AKAP7: variants seen among roughly 807,000 people sequenced by gnomAD.
AKAP7 encodes A-kinase anchoring protein 7.
AKAP7 carries 39 observed loss-of-function variants against 39.5 expected under a neutral mutation model. The observed-to-expected ratio is 0.99, with a 90% CI of 0.76 to 1.29. The LOEUF (loss-of-function observed/expected upper bound fraction) is 1.29, where lower values mean the gene tolerates loss of function less well. AKAP7 is among the 50% of genes most tolerant of loss of function. AKAP7 has a pLI of 0.00. For missense variants in AKAP7, 414 were observed against 407.7 expected, an observed-to-expected ratio of 1.02 and a Z score of -0.13; for synonymous variants, 140 against 139.1, an observed-to-expected ratio of 1.01 and a Z score of -0.05.
chr6:131,219,740 A>G lies in AKAP7; in HGVS notation c.782A>G (p.Asp261Gly). Residue 261 changes from aspartate (D) to glycine (G), a missense_variant, in exon 7 of 8, where the codon GAT becomes GGT. Transcript: ENST00000431975. ...RFGEEILYRI[D>G]LCSMLKKKQS... The stretch of plus-strand genomic sequence containing the variant: ...GGAGAAGAAATATTATATCGCATAG[A>G]TCTTTGCTCCATGCTGAAGAAAAAA... 1 of 1,598,834 alleles carries G rather than the reference A, an allele frequency of 6.3e-7. No individual in the cohort carries two copies. Among genetic ancestry groups the G allele is most frequent in the South Asian group, 1.1e-5 (1 of 88,762 alleles).
intron 1 of AKAP7, among the ~76,000 whole-genome samples, chr6:131,139,923 A>G (rs961452890): frequency 3.9e-5 from 6 of 152,250 alleles, no homozygotes; most frequent in Admixed American, 2.0e-4. Context: ...AACATAAAGT[A>G]TACATGCAGT....
At chr6:131,170,033 G>A (rs949107938) in intron 5 of AKAP7, among the ~76,000 whole-genome samples, 13 of 146,362 alleles carry the variant, frequency 8.9e-5, no homozygotes, top group Non-Finnish European at 1.6e-4. Context: ...GTGTATCTAC[G>A]TTTCTCTCTC....
At chr6:131,242,326 A>C (rs1811690160) in intron 7 of AKAP7, 1 of 484,548 alleles carries the variant, frequency 2.1e-6, no homozygotes, top group African/African-American at 2.1e-5. Flanking sequence ...GGAAGCTTTT[A>C]CTTAAGCAGT....
chr6:131,190,401 G>C (rs1010932768), intron 5 of AKAP7, among the ~76,000 whole-genome samples: 1 of 152,148 alleles, frequency 6.6e-6, no homozygotes, highest in African/African-American at 2.4e-5. Flanking sequence ...CACTTTGGTT[G>C]GGAAGCCAAG....
chr6:131,190,290 C>G (rs73633670), intron 5 of AKAP7, among the ~76,000 whole-genome samples: 4,540 of 152,016 alleles, frequency 0.03, 227 homozygotes, highest in African/African-American at 0.1. Flanking sequence ...TACTTCAGAC[C>G]TAGTGAATAA....
At chr6:131,162,552 G>A (rs1803077430) in intron 3 of AKAP7, among the ~76,000 whole-genome samples, 1 of 152,076 alleles carries the variant, frequency 6.6e-6, no homozygotes, top group Non-Finnish European at 1.5e-5. Flanking sequence ...GAATATAGCC[G>A]TGTCACCAAC....
intron 6 of AKAP7, among the ~76,000 whole-genome samples, chr6:131,211,772 C>CAAAAAAAAA (rs202168206): frequency 9.5e-5 from 8 of 83,916 alleles, no homozygotes; most frequent in African/African-American, 4.0e-4. Flanking sequence ...GACTCCGTCT[C>CAAAAAAAAA]AAAAAAAAAA....
intron 3 of AKAP7, among the ~76,000 whole-genome samples, chr6:131,163,398 T>G (rs1390244224): frequency 6.6e-6 from 1 of 152,236 alleles, no homozygotes; most frequent in Admixed American, 6.5e-5. Context: ...TATGAGCTTT[T>G]GTGGGAAGGC....
chr6:131,241,627 G>GTGTGTGTGTGTATA lies in AKAP7; in HGVS notation c.850+21820_850+21821insGTGTGTGTGTATAT. On this transcript the variant is annotated intron_variant, in intron 7 of 7. Transcript: ENST00000431975. Reference sequence around the variant, plus strand: ...TGTGTGTGTGTGTGTGTGTGTGTGTGTATATATATATGACAGTTATAGGAT... The same window carrying GTGTGTGTGTGTATA: ...TGTGTGTGTGTGTGTGTGTGTGTGTGTGTGTGTGTGTATATATATATATATGACAGTTATAGGAT... Among the ~76,000 whole-genome samples, 17 of 86,670 alleles carry GTGTGTGTGTGTATA rather than the reference G, an allele frequency of 2.0e-4. 1 individual carries two copies. Among genetic ancestry groups the GTGTGTGTGTGTATA allele is most frequent in the African/African-American group, 6.0e-4 (12 of 20,054 alleles). The allele number at this position is 86,670 out of a possible 152,430, so 56.9% of individuals were successfully genotyped here.
intron 6 of AKAP7, among the ~76,000 whole-genome samples, chr6:131,202,466 T>C (rs955742243): frequency 3.3e-5 from 5 of 151,276 alleles, no homozygotes; most frequent in Non-Finnish European, 7.4e-5. Context: ...TGTAGGGACA[T>C]GGATGAAATT....
intron 2 of AKAP7, among the ~76,000 whole-genome samples, chr6:131,155,445 G>A (rs571942794): frequency 1.3e-5 from 2 of 152,300 alleles, no homozygotes; most frequent in East Asian, 3.9e-4. Context: ...TATTATTAAA[G>A]TTCCCCATCA....
chr6:131,193,844 C>G (rs1462870348), intron 5 of AKAP7, among the ~76,000 whole-genome samples: 4 of 151,980 alleles, frequency 2.6e-5, no homozygotes, highest in South Asian at 2.1e-4. Context: ...CATATAGTTA[C>G]TCGTAGCAGC....
chr6:131,138,568 A>G (rs1403205884), intron 1 of AKAP7, among the ~76,000 whole-genome samples: 1 of 152,238 alleles, frequency 6.6e-6, no homozygotes, highest in Non-Finnish European at 1.5e-5. Context: ...CTATTGCCAG[A>G]TTGCTTTCTG....
At chr6:131,162,813 C>T (rs759271755) in intron 3 of AKAP7, among the ~76,000 whole-genome samples, 15 of 152,170 alleles carry the variant, frequency 9.9e-5, no homozygotes, top group Admixed American at 2.0e-4. Flanking sequence ...CCCATGACCA[C>T]CTCGTCTAGG....
chr6:131,219,118 A>G (rs2128297211), intron 6 of AKAP7, among the ~76,000 whole-genome samples: 1 of 152,008 alleles, frequency 6.6e-6, no homozygotes, highest in African/African-American at 2.4e-5. Flanking sequence ...ATTACAAAAA[A>G]TATTTTTTTG....
chr6:131,282,459 G>C lies in AKAP7; in HGVS notation c.*733G>C. The C allele has an allele frequency of 3.9e-6, 6 of 1,535,278 alleles. No homozygotes were observed. Among genetic ancestry groups the C allele is most frequent in the Non-Finnish European group, 5.2e-6 (6 of 1,146,486 alleles). ...GAAGCTTTGCATCGAGAAACGATGG[G>C]TCTGAAGTCCAAAGTGAAACAGATA... is the stretch of plus-strand genomic sequence containing the variant. On this transcript the variant is annotated 3_prime_UTR_variant, in exon 8 of 8. Coordinates refer to ENST00000431975, the MANE Select transcript of AKAP7 (RefSeq NM_016377.4).
At chr6:131,272,082 C>T (rs976551430) in intron 7 of AKAP7, among the ~76,000 whole-genome samples, 2 of 152,086 alleles carry the variant, frequency 1.3e-5, no homozygotes, top group Middle Eastern at 3.2e-3. Context: ...AATGTGGTAT[C>T]AAAAAATCCC....
At chr6:131,262,790 G>A (rs1371417332) in intron 7 of AKAP7, among the ~76,000 whole-genome samples, 1 of 152,114 alleles carries the variant, frequency 6.6e-6, no homozygotes, top group African/African-American at 2.4e-5. Flanking sequence ...TTAACCACGT[G>A]TTCTGCAATG....
intron 3 of AKAP7, among the ~76,000 whole-genome samples, chr6:131,162,155 A>G (rs1562873799): frequency 1.3e-5 from 2 of 152,190 alleles, no homozygotes; most frequent in East Asian, 1.9e-4. Context: ...GAGAAGACTG[A>G]TGGGATGATG....
Sources: allele counts gnomAD v4.1 joint callset (sites outside exome capture counted in the v4.1 genomes callset), GRCh38; gene constraint gnomAD v4.1.1; transcripts MANE v1.5; gene names NCBI Gene and HGNC (gene_info 2026-07-23, HGNC 2026-07-21).